PPARGC1A: variants seen among roughly 807,000 people sequenced by gnomAD.
PPARGC1A encodes the protein PPARG coactivator 1 alpha.
In PPARGC1A, 25 loss-of-function variants were observed where a neutral mutation model predicts 88.7. The observed-to-expected ratio is 0.28, with a 90% CI of 0.21 to 0.39. PPARGC1A has a LOEUF of 0.39. PPARGC1A is among the 10% of genes least tolerant of loss of function. The probability of loss-of-function intolerance (pLI) is 1.00; values close to 1 mark genes in which losing one functional copy is unlikely to be tolerated. For synonymous variants in PPARGC1A, 363 were observed against 355.6 expected, an observed-to-expected ratio of 1.02 and a Z score of -0.24; for missense variants, 880 against 968.7, an observed-to-expected ratio of 0.91 and a Z score of 1.22.
chr4:24,430,497 G>A, the PPARGC1A span, among the ~76,000 whole-genome samples: 332 of 151,712 alleles, frequency 2.2e-3, no homozygotes, highest in African/African-American at 7.4e-3. Flanking sequence ...TCCTGACCTC[G>A]TGATCCCCCT....
the PPARGC1A span, among the ~76,000 whole-genome samples, chr4:24,297,581 C>T: frequency 6.6e-6 from 1 of 152,066 alleles, no homozygotes; most frequent in African/African-American, 2.4e-5. Flanking sequence ...TGATTCATTA[C>T]CATAAACTCA....
chr4:23,814,022 A>G lies in PPARGC1A; in HGVS notation c.1461T>C (p.Ser487=), dbSNP rs1721454453. 6.2e-7 allele frequency: 1 copy of G among 1,613,934 alleles called. No homozygotes were observed. The highest frequency in any genetic ancestry group is 8.5e-7 in the Non-Finnish European group (1 of 1,179,950). Residue 487 remains serine (S), a synonymous_variant, in exon 8 of 13, where the codon AGT becomes AGC. Transcript: ENST00000264867. ...EADKTGELRD[S]DFSNEQFSKL... ...TGGAGAATTGTTCATTACTGAAATC[A>G]CTGTCCCTCAGTTCACCGGTCTTGT...
the PPARGC1A span, among the ~76,000 whole-genome samples, chr4:24,223,525 C>T: frequency 6.6e-6 from 1 of 152,222 alleles, no homozygotes; most frequent in African/African-American, 2.4e-5. Flanking sequence ...GCTGAGATTA[C>T]AGGCATAAGC....
At chr4:24,231,566 G>T in the PPARGC1A span, among the ~76,000 whole-genome samples, 3 of 152,274 alleles carry the variant, frequency 2.0e-5, no homozygotes, top group South Asian at 2.1e-4. Flanking sequence ...AGGCAACAAA[G>T]GTTTCCGGAA....
the PPARGC1A span, among the ~76,000 whole-genome samples, chr4:24,467,117 A>C: frequency 7.5e-6 from 1 of 133,376 alleles, no homozygotes; most frequent in Non-Finnish European, 1.6e-5. Context: ...GGAGGGAGGG[A>C]GGGATGGAGG....
chr4:23,903,652 G>A (rs1029583030), upstream of PPARGC1A, among the ~76,000 whole-genome samples: 3 of 152,092 alleles, frequency 2.0e-5, no homozygotes, highest in African/African-American at 7.2e-5. Context: ...GAAAACTGGA[G>A]CAGTGGATTA....
the PPARGC1A span, among the ~76,000 whole-genome samples, chr4:24,285,230 T>A: frequency 6.6e-6 from 1 of 152,224 alleles, no homozygotes; most frequent in Non-Finnish European, 1.5e-5. Context: ...CTAGTCATGG[T>A]TTATGCTTTT....
At chr4:24,172,095 G>A in the PPARGC1A span, among the ~76,000 whole-genome samples, 369 of 152,148 alleles carry the variant, frequency 2.4e-3, 1 homozygote, top group African/African-American at 8.5e-3. Context: ...CTCTACTATG[G>A]CAAAAACTAC....
At chr4:23,982,013 G>A in the PPARGC1A span, among the ~76,000 whole-genome samples, 1 of 152,132 alleles carries the variant, frequency 6.6e-6, no homozygotes. Context: ...AAAAGAGCAA[G>A]AAGTTTTGAC....
chr4:23,958,381 CAATA>C, the PPARGC1A span, among the ~76,000 whole-genome samples: 1 of 151,934 alleles, frequency 6.6e-6, no homozygotes, highest in Non-Finnish European at 1.5e-5. Context: ...TATAAATAGC[CAATA>C]AATAGATTTC....
At chr4:23,856,422 G>A (rs1730207180) in intron 2 of PPARGC1A, among the ~76,000 whole-genome samples, 1 of 152,176 alleles carries the variant, frequency 6.6e-6, no homozygotes, top group African/African-American at 2.4e-5. Context: ...CCCCATCAGA[G>A]AGAGGCCCGG....
chr4:24,441,929 T>C, the PPARGC1A span, among the ~76,000 whole-genome samples: 1 of 152,204 alleles, frequency 6.6e-6, no homozygotes, highest in Non-Finnish European at 1.5e-5. Flanking sequence ...TTCAGTAGCA[T>C]CAGAATGAAA....
At chr4:23,918,055 T>C in the PPARGC1A span, among the ~76,000 whole-genome samples, 1 of 152,174 alleles carries the variant, frequency 6.6e-6, no homozygotes, top group Non-Finnish European at 1.5e-5. Context: ...GCTGGATGGA[T>C]TTAGCTTATA....
At chr4:23,844,937 C>A (rs998081766) in intron 2 of PPARGC1A, among the ~76,000 whole-genome samples, 2 of 146,102 alleles carry the variant, frequency 1.4e-5, no homozygotes, top group African/African-American at 2.5e-5. Flanking sequence ...AGCAGCAAAG[C>A]ATAATAGCTA....
At chr4:24,257,402 A>T in the PPARGC1A span, among the ~76,000 whole-genome samples, 1 of 152,208 alleles carries the variant, frequency 6.6e-6, no homozygotes, top group Non-Finnish European at 1.5e-5. Context: ...AAGAGAAAAA[A>T]TGTCAAACCA....
chr4:24,000,121 T>C, the PPARGC1A span, among the ~76,000 whole-genome samples: 1 of 152,110 alleles, frequency 6.6e-6, no homozygotes. Flanking sequence ...TTCTTTCATA[T>C]ATATGTTTAA....
At chr4:24,106,857 A>G in the PPARGC1A span, among the ~76,000 whole-genome samples, 107 of 152,228 alleles carry the variant, frequency 7.0e-4, 1 homozygote, top group Non-Finnish European at 1.3e-3. Context: ...AGCCCAGCTG[A>G]GATCAGCAGA....
At chr4:24,382,265 A>C in the PPARGC1A span, among the ~76,000 whole-genome samples, 1 of 152,242 alleles carries the variant, frequency 6.6e-6, no homozygotes, top group Non-Finnish European at 1.5e-5. Flanking sequence ...GTTCACTTTG[A>C]CTGCAATCAT....
At chr4:24,289,842 G>C in the PPARGC1A span, among the ~76,000 whole-genome samples, 1 of 151,708 alleles carries the variant, frequency 6.6e-6, no homozygotes, top group Non-Finnish European at 1.5e-5. Context: ...TTCTGTATTA[G>C]TCTGTTCTCA....
Sources: gnomAD v4.1 joint callset for allele counts (sites outside exome capture counted in the v4.1 genomes callset) on GRCh38, gnomAD v4.1.1 for gene constraint, MANE v1.5 for transcripts, NCBI Gene and HGNC (gene_info 2026-07-23, HGNC 2026-07-21) for gene names.